KHDRBS2: variants seen among roughly 807,000 people sequenced by gnomAD.
The protein encoded by KHDRBS2 is KH domain-containing, RNA-binding, signal transduction-associated protein 2.
A neutral mutation model predicts 44.3 loss-of-function variants in KHDRBS2; 26 were observed. That is an observed-to-expected ratio of 0.59 (90% confidence interval 0.43 to 0.81). The LOEUF is 0.81. KHDRBS2 is among the 40% of genes least tolerant of loss of function. The pLI is 0.00. For synonymous variants in KHDRBS2, 194 were observed against 151.1 expected (o/e 1.28, Z -2.08); for missense variants, 476 against 433.1 (o/e 1.10, Z -0.88).
intron 2 of KHDRBS2, among the ~76,000 whole-genome samples, chr6:62,050,847 C>T (rs1471478979): frequency 6.6e-6 from 1 of 152,028 alleles, no homozygotes; most frequent in East Asian, 1.9e-4. Flanking sequence ...CACGTGAATG[C>T]TCATGACACT....
chr6:62,042,431 A>T (rs1786731264), intron 3 of KHDRBS2, among the ~76,000 whole-genome samples: 1 of 152,114 alleles, frequency 6.6e-6, no homozygotes, highest in African/African-American at 2.4e-5. Flanking sequence ...AGGCACAGCT[A>T]AAATGAAAGT....
chr6:61,869,577 T>C (rs1798293919), intron 6 of KHDRBS2, among the ~76,000 whole-genome samples: 1 of 152,064 alleles, frequency 6.6e-6, no homozygotes, highest in African/African-American at 2.4e-5. Flanking sequence ...GCTGGCAAGA[T>C]GGTAAAATAG....
intron 1 of KHDRBS2, among the ~76,000 whole-genome samples, chr6:62,272,147 A>T (rs1840191894): frequency 6.6e-6 from 1 of 152,220 alleles, no homozygotes; most frequent in South Asian, 2.1e-4. Flanking sequence ...AATTGCCTGC[A>T]GTAATCAATA....
chr6:62,223,103 G>A (rs530334938), intron 1 of KHDRBS2, among the ~76,000 whole-genome samples: 1 of 152,342 alleles, frequency 6.6e-6, no homozygotes, highest in Admixed American at 6.5e-5. Flanking sequence ...TCCTAGCAAA[G>A]GTTCTCCATG....
chr6:62,154,523 A>T (rs947590487), intron 2 of KHDRBS2, among the ~76,000 whole-genome samples: 8 of 152,178 alleles, frequency 5.3e-5, no homozygotes, highest in African/African-American at 7.2e-5. Context: ...TCTGATTTAT[A>T]AGCCATCTCA....
chr6:61,782,405 C>G (rs1783070855), intron 6 of KHDRBS2, among the ~76,000 whole-genome samples: 1 of 151,708 alleles, frequency 6.6e-6, no homozygotes, highest in African/African-American at 2.4e-5. Context: ...TCAAATATAG[C>G]CTTTTGCACC....
intron 1 of KHDRBS2, among the ~76,000 whole-genome samples, chr6:62,243,245 G>C (rs1364883663): frequency 6.6e-6 from 1 of 151,954 alleles, no homozygotes; most frequent in Non-Finnish European, 1.5e-5. Context: ...TATTTGTTGT[G>C]AAAATGTTAA....
At chr6:62,276,817 T>A (rs1264785716) in intron 1 of KHDRBS2, among the ~76,000 whole-genome samples, 4 of 152,170 alleles carry the variant, frequency 2.6e-5, no homozygotes, top group African/African-American at 9.7e-5. Flanking sequence ...TAACATTGGG[T>A]CTCTATCACA....
chr6:61,920,005 G>A (rs1167606497), intron 4 of KHDRBS2, among the ~76,000 whole-genome samples: 1 of 151,830 alleles, frequency 6.6e-6, no homozygotes. Context: ...ATCAATTGAA[G>A]ATATATGACC....
chr6:61,928,447 G>A (rs1809383794), intron 4 of KHDRBS2, among the ~76,000 whole-genome samples: 1 of 151,972 alleles, frequency 6.6e-6, no homozygotes, highest in African/African-American at 2.4e-5. Flanking sequence ...TAGTAAAGAG[G>A]AATTATGAGT....
At chr6:61,981,459 AAAACT>A (rs1245698929) in intron 3 of KHDRBS2, among the ~76,000 whole-genome samples, 2 of 151,304 alleles carry the variant, frequency 1.3e-5, no homozygotes, top group South Asian at 4.2e-4. Context: ...TTAAAAAAAA[AAAACT>A]GAGTTTTTTT....
intron 6 of KHDRBS2, among the ~76,000 whole-genome samples, chr6:61,750,230 C>T (rs759982296): frequency 2.0e-5 from 3 of 152,162 alleles, no homozygotes; most frequent in Non-Finnish European, 4.4e-5. Flanking sequence ...TTTTAAAAGT[C>T]TCTGATATAC....
chr6:62,081,555 G>A (rs1797395879), intron 2 of KHDRBS2, among the ~76,000 whole-genome samples: 1 of 152,092 alleles, frequency 6.6e-6, no homozygotes, highest in African/African-American at 2.4e-5. Flanking sequence ...TTAGAACTCA[G>A]TAAGACAAAA....
chr6:62,253,584 T>C (rs1467948807), intron 1 of KHDRBS2, among the ~76,000 whole-genome samples: 2 of 151,736 alleles, frequency 1.3e-5, no homozygotes, highest in African/African-American at 2.4e-5. Flanking sequence ...AGGTTTCTTT[T>C]CCTCTAAAAA....
chr6:61,738,368 G>GA (rs1428430258), intron 6 of KHDRBS2, among the ~76,000 whole-genome samples: 4 of 152,042 alleles, frequency 2.6e-5, no homozygotes, highest in Non-Finnish European at 4.4e-5. Flanking sequence ...ACATGGTCAT[G>GA]AAAAATATCT....
chr6:61,777,382 C>T (rs1182122612), intron 6 of KHDRBS2, among the ~76,000 whole-genome samples: 1 of 152,172 alleles, frequency 6.6e-6, no homozygotes, highest in Non-Finnish European at 1.5e-5. Context: ...AGGAGGAAAA[C>T]AGTGCAGTTT....
intron 4 of KHDRBS2, among the ~76,000 whole-genome samples, chr6:61,957,175 C>A (rs1767560964): frequency 6.6e-6 from 1 of 152,162 alleles, no homozygotes; most frequent in South Asian, 2.1e-4. Context: ...TTACTTTAAT[C>A]TCTTAATCCT....
chr6:61,576,444 A>G, the KHDRBS2 span, among the ~76,000 whole-genome samples: 14 of 152,164 alleles, frequency 9.2e-5, no homozygotes, highest in Non-Finnish European at 1.9e-4. Flanking sequence ...TACTGAATTC[A>G]TTAATCAAAT....
chr6:61,773,135 T>G (rs577736345), intron 6 of KHDRBS2, among the ~76,000 whole-genome samples: 1,626 of 152,088 alleles, frequency 0.011, 28 homozygotes, highest in African/African-American at 0.038. Context: ...GCATGATTTA[T>G]AGTCCTTTGG....
Sources: gnomAD v4.1 joint callset for allele counts (sites outside exome capture counted in the v4.1 genomes callset) on GRCh38, gnomAD v4.1.1 for gene constraint, MANE v1.5 for transcripts, NCBI Gene and HGNC (gene_info 2026-07-23, HGNC 2026-07-21) for gene names.